The following RASEF variants were observed in gnomAD, a reference collection of about 807,000 sequenced individuals.
RASEF encodes the protein RAS and EF-hand domain containing.
Under a neutral mutation model 90.1 loss-of-function variants are expected in RASEF, and 68 were observed. That is an observed-to-expected ratio of 0.75 (90% CI 0.62 to 0.92). The LOEUF is 0.92. Ranked by LOEUF, RASEF falls within the 40% of genes least tolerant of loss-of-function variation. RASEF has a pLI of 0.00. For missense variants in RASEF, 949 were observed against 937.2 expected (o/e 1.01, Z -0.16); for synonymous variants, 331 against 345.2 (o/e 0.96, Z 0.46).
chr9:83,025,110 T>C (rs941871805), intron 2 of RASEF, among the ~76,000 whole-genome samples: 15 of 151,984 alleles, frequency 9.9e-5, no homozygotes, highest in African/African-American at 3.6e-4. Flanking sequence ...TTTTTTTGCA[T>C]GACATAGCTG....
chr9:83,062,496 G>C lies in RASEF; in HGVS notation c.372C>G (p.Pro124=). 1 of 1,611,554 alleles carries C rather than the reference G, an allele frequency of 6.2e-7. No individual in the cohort carries two copies. Among genetic ancestry groups the C allele is most frequent in the Non-Finnish European group, 8.5e-7 (1 of 1,179,264 alleles). Residue 124 remains proline, a synonymous_variant, in exon 1 of 17, where the codon CCC becomes CCG. Transcript: ENST00000376447. ...ALATSCGPAS[P]GRAWQDFQAR... The stretch of plus-strand genomic sequence containing the variant: ...CCTGGAAATCCTGCCAAGCCCGGCC[G>C]GGACTCGCCGGGCCGCACGAGGTGG...
the RASEF span, among the ~76,000 whole-genome samples, chr9:83,126,270 T>C: frequency 6.6e-6 from 1 of 152,116 alleles, no homozygotes; most frequent in African/African-American, 2.4e-5. Flanking sequence ...AGTGCTCCTG[T>C]AAGAAGAGAT....
rs571679065 is a variant in RASEF, at chr9:83,062,736, C to T, written c.132G>A (p.Pro44=). Residue 44 remains proline (P), a synonymous_variant, in exon 1 of 17, where the codon CCG becomes CCA. Coordinates refer to ENST00000376447, the MANE Select transcript of RASEF (RefSeq NM_152573.4). ...GCTGGAATACTGCCTCGGCGTCGGC[C>T]GGCCGCACCCGCAGCTCCGTGCACA... ...RALCTELRVR[P]ADAEAVFQRL... The T allele has an allele frequency of 4.5e-6, 7 of 1,569,612 alleles. No homozygotes were observed. The highest frequency in any genetic ancestry group is 3.5e-4 in the Middle Eastern group (2 of 5,696).
At chr9:83,036,333 T>A (rs1829741244) in intron 1 of RASEF, among the ~76,000 whole-genome samples, 1 of 152,178 alleles carries the variant, frequency 6.6e-6, no homozygotes, top group Non-Finnish European at 1.5e-5. Flanking sequence ...TGTGCTCCTA[T>A]CTGCAAGATG....
chr9:83,189,326 G>A, the RASEF span, among the ~76,000 whole-genome samples: 31 of 152,136 alleles, frequency 2.0e-4, no homozygotes, highest in Non-Finnish European at 1.9e-4. Context: ...TAAGTTTCCT[G>A]AGGTCTCCCC....
rs1467888837 is a variant in RASEF at position 82,990,428 on chromosome 9, C to G, written c.2080G>C (p.Gly694Arg). ...AGAACAGCCTCCACTATGTTAGAAC[C>G]ATCTTTGGCACTTGTTTCACAGAAT... is the stretch of plus-strand genomic sequence containing the variant. ...ALFCETSAKDGSNIVEAVLHL... is the reference protein window; with the variant it reads ...ALFCETSAKDRSNIVEAVLHL... Residue 694 changes from glycine (G) to arginine (R), a missense_variant, in exon 16 of 17, where the codon GGT (glycine) becomes CGT (arginine). Around this residue, in one of 3 missense-constraint regions of RASEF, gnomAD observed 288 missense variants for 328.4 expected, o/e 0.88. Transcript: ENST00000376447. 1 of 1,613,714 alleles carries G rather than the reference C, an allele frequency of 6.2e-7. No individual in the cohort carries two copies. Among genetic ancestry groups the G allele is most frequent in the Non-Finnish European group, 8.5e-7 (1 of 1,179,824 alleles).
the RASEF span, among the ~76,000 whole-genome samples, chr9:83,210,817 T>C: frequency 6.6e-6 from 1 of 152,044 alleles, no homozygotes; most frequent in Non-Finnish European, 1.5e-5. Context: ...AACTGAGGGG[T>C]TTCCCCGACA....
the RASEF span, among the ~76,000 whole-genome samples, chr9:83,098,029 A>T: frequency 6.6e-6 from 1 of 152,176 alleles, no homozygotes; most frequent in Non-Finnish European, 1.5e-5. Context: ...CATTGAGGTT[A>T]TCCCTAAGTA....
At chr9:83,023,936 T>G (rs1157977868) in intron 2 of RASEF, among the ~76,000 whole-genome samples, 2 of 152,154 alleles carry the variant, frequency 1.3e-5, no homozygotes, top group South Asian at 2.1e-4. Context: ...AATCACAGAG[T>G]GCTTGCCCCA....
chr9:83,087,347 G>C, the RASEF span, among the ~76,000 whole-genome samples: 1 of 151,268 alleles, frequency 6.6e-6, no homozygotes, highest in East Asian at 2.0e-4. Flanking sequence ...CATGATGGGA[G>C]TAGTGCCTTT....
chr9:83,055,699 C>A, intron 1 of RASEF: 2 of 717,108 alleles, frequency 2.8e-6, no homozygotes, highest in South Asian at 1.5e-5. Context: ...ATACAAAAGT[C>A]ATCCAAATCT....
chr9:83,084,843 A>G, the RASEF span, among the ~76,000 whole-genome samples: 1 of 152,268 alleles, frequency 6.6e-6, no homozygotes, highest in African/African-American at 2.4e-5. Flanking sequence ...TGAGGGAAGA[A>G]CTTGTCTTGG....
At chr9:83,035,230 T>C (rs1564084319) in intron 1 of RASEF, among the ~76,000 whole-genome samples, 1 of 152,202 alleles carries the variant, frequency 6.6e-6, no homozygotes, top group East Asian at 1.9e-4. Context: ...GGACATACTA[T>C]CTCTGCTGCA....
intron 16 of RASEF, among the ~76,000 whole-genome samples, chr9:82,983,107 CCACACACACACA>C (rs10539196): frequency 3.7e-4 from 48 of 128,652 alleles, no homozygotes; most frequent in East Asian, 9.6e-4. Flanking sequence ...GAGTACCAGG[CCACACACACACA>C]CACACACACA....
At chr9:83,041,568 G>T (rs73469496) in intron 1 of RASEF, among the ~76,000 whole-genome samples, 4,434 of 152,218 alleles carry the variant, frequency 0.029, 199 homozygotes, top group African/African-American at 0.1. Context: ...TTTCAACAGT[G>T]AAGTAAGACC....
chr9:83,005,362 A>G, intron 8 of RASEF, 54 bp downstream of exon 8: 1 of 1,300,106 alleles, frequency 7.7e-7, no homozygotes, highest in Admixed American at 1.7e-5. Context: ...CATCAACACC[A>G]AAATACTCCA....
chr9:82,997,193 AT>A, intron 13 of RASEF, 67 bp from the exon 14 acceptor site: 3 of 989,656 alleles, frequency 3.0e-6, no homozygotes, highest in South Asian at 1.3e-5. Flanking sequence ...TTTTATGCTC[AT>A]TTTTTTCTCC....
In RASEF at chr9:83,048,238, G is replaced by A. The variant is rs1454740723; in HGVS notation, c.431+14199C>T. 3 of 985,194 alleles carry A rather than the reference G, an allele frequency of 3.0e-6. No homozygotes were observed. In the African/African-American group the frequency reaches 5.2e-5, roughly 17 times the overall value. 61.0% of individuals were successfully genotyped at this position (985,194 alleles called of 1,614,324 possible). On this transcript the variant is annotated intron_variant, in intron 1 of 16. Transcript: ENST00000376447. ...AGGGACCGGCAGTCCTATTGATGCT[G>A]GACTACAAAAGAAAGTTTTGGCACA...
the RASEF span, among the ~76,000 whole-genome samples, chr9:83,150,024 C>T: frequency 6.6e-6 from 1 of 152,220 alleles, no homozygotes; most frequent in Non-Finnish European, 1.5e-5. Flanking sequence ...ACCCACACTT[C>T]TGTCCAACTT....
Sources: allele counts gnomAD v4.1 joint callset (sites outside exome capture counted in the v4.1 genomes callset), GRCh38; gene constraint gnomAD v4.1.1; regional missense constraint gnomAD v4.1.1; transcripts MANE v1.5; gene names NCBI Gene and HGNC (gene_info 2026-07-23, HGNC 2026-07-21).